Variants in SRSF6 observed in about 807,000 individuals in gnomAD.
The protein encoded by SRSF6 is serine/arginine-rich splicing factor 6.
SRSF6 carries 17 observed loss-of-function variants against 42.0 expected under a neutral mutation model. That is an observed-to-expected ratio of 0.40 (90% CI 0.28 to 0.61). The LOEUF is 0.61. Among genes scored for constraint, SRSF6 ranks in the 20% least tolerant of loss-of-function variants. The pLI, the probability that SRSF6 is intolerant of heterozygous loss-of-function variation, is 0.37. For missense variants in SRSF6, 379 were observed against 471.4 expected (o/e 0.80, Z 1.81); for synonymous variants, 204 against 166.7 (o/e 1.22, Z -1.72).
At position 43,461,169 on chromosome 20, in the gene SRSF6, C is replaced by G. The variant is rs1040341623; in HGVS notation, c.*106C>G. On this transcript the variant is annotated 3_prime_UTR_variant, in exon 6 of 6. Transcript: ENST00000244020. ...TTCTGCAAGAGGAATCTCTTGAAAA[C>G]AGGGGCACACAGAAATTTGATTTGT... 9.9e-6 allele frequency: 14 copies of G among 1,409,626 alleles called. No individual in the cohort carries two copies. Among genetic ancestry groups the G allele is most frequent in the Middle Eastern group, 2.5e-4 (1 of 4,072 alleles). 87.3% of individuals were successfully genotyped at this position (1,409,626 alleles called of 1,614,324 possible).
In SRSF6 at chr20:43,463,101, A is replaced by T. The variant is rs1021032109; in HGVS notation, c.*2038A>T. 1 of 152,636 alleles carries T rather than the reference A, an allele frequency of 6.6e-6. No homozygotes were observed. Among genetic ancestry groups the T allele is most frequent in the Non-Finnish European group, 1.5e-5 (1 of 68,004 alleles). 9.5% of individuals were successfully genotyped at this position (152,636 alleles called of 1,614,324 possible). On this transcript the variant is annotated 3_prime_UTR_variant, in exon 6 of 6. Coordinates refer to ENST00000244020, the MANE Select transcript of SRSF6 (RefSeq NM_006275.6). ...ATCCTTCAACTGGGCTCTCTTGTTA[A>T]TAGGACATCATATGGTAATAGACTG... is the stretch of plus-strand genomic sequence containing the variant.
chr20:43,457,946 CTCTTG>C lies in SRSF6; in HGVS notation c.-87_-83del. On this transcript the variant is annotated 5_prime_UTR_variant, in exon 1 of 6. Coordinates refer to ENST00000244020, the MANE Select transcript of SRSF6 (RefSeq NM_006275.6). ...CTGTGGTGTGAGGCGCGTGTTCGGGCTCTTGCCGTCCCCGCACCCGCACCGCGGTT... is the reference window on the plus strand; with the variant it reads ...CTGTGGTGTGAGGCGCGTGTTCGGGCCCGTCCCCGCACCCGCACCGCGGTT... 8.9e-7 allele frequency: 1 copy of C among 1,123,800 alleles called. No individual in the cohort carries two copies. Among genetic ancestry groups the C allele is most frequent in the Non-Finnish European group, 1.3e-6 (1 of 765,016 alleles). 69.6% of individuals were successfully genotyped at this position (1,123,800 alleles called of 1,614,324 possible).
rs1196378267 is a variant in SRSF6 at position 43,461,334 on chromosome 20, G to GTTTTTTTTTTTTTTTTTTT, written c.*273_*274insTTTTTTTTTTTTTTTTTTT. On this transcript the variant is annotated 3_prime_UTR_variant, in exon 6 of 6. Transcript: ENST00000244020. ...TTTGTAAAGATTAAGCTCATTTAGT[G>GTTTTTTTTTTTTTTTTTTT]TTGTTTTTTTTTTTTTTTTTTTTTT... The GTTTTTTTTTTTTTTTTTTT allele has an allele frequency of 3.0e-4, 17 of 56,466 alleles. 1 individual carries two copies. Among genetic ancestry groups the GTTTTTTTTTTTTTTTTTTT allele is most frequent in the African/African-American group, 1.3e-3 (17 of 13,566 alleles). The allele number at this position is 56,466 out of a possible 1,614,324, so 3.5% of individuals were successfully genotyped here. A position where few individuals can be genotyped will look rare whatever the true frequency, so the allele number is the denominator to read the frequency against.
intron 4 of SRSF6, 79 bp from the exon 5 acceptor site, chr20:43,460,436 G>T: frequency 1.4e-6 from 2 of 1,406,856 alleles, no homozygotes; most frequent in East Asian, 4.7e-5. Context: ...TTATTCTTTG[G>T]CTTATCTATT....
Position 43,462,251 on chromosome 20 carries a change from G to C in SRSF6, c.*1188G>C, listed in dbSNP as rs2017615043. The C allele has an allele frequency of 6.6e-6, 1 of 152,178 alleles. No homozygotes were observed. Among genetic ancestry groups the C allele is most frequent in the Non-Finnish European group, 1.5e-5 (1 of 68,026 alleles). The allele number at this position is 152,178 out of a possible 1,614,324, so 9.4% of individuals were successfully genotyped here. A position where few individuals can be genotyped will look rare whatever the true frequency, so the allele number is the denominator to read the frequency against. On this transcript the variant is annotated 3_prime_UTR_variant, in exon 6 of 6. Coordinates refer to ENST00000244020, the MANE Select transcript of SRSF6 (RefSeq NM_006275.6). ...TACTTTATTACGAGTAAAGTGTAAT[G>C]AGTACTGTGGAAACCAAATTTGAAT...
Position 43,460,965 on chromosome 20 carries a change from C to T in SRSF6, c.937C>T (p.Arg313Cys), listed in dbSNP as rs139554320. 1.2e-4 allele frequency: 200 copies of T among 1,614,124 alleles called. No individual in the cohort carries two copies. The highest frequency in any genetic ancestry group is 1.5e-4 in the Non-Finnish European group (180 of 1,180,026). The change falls in exon 6 of 6, where the codon CGT (arginine) becomes TGT (cysteine). Residue 313 changes from arginine (R) to cysteine (C), a missense_variant. By Grantham distance (180) the Arg-to-Cys change is radical. Coordinates refer to ENST00000244020, the MANE Select transcript of SRSF6 (RefSeq NM_006275.6). Reference protein sequence around the residue: ...SPLPVPPSKARSVSPPPKRAT... With the variant: ...SPLPVPPSKACSVSPPPKRAT... ...GCTACCTGTTCCACCCTCAAAGGCC[C>T]GTTCTGTGTCCCCTCCACCAAAAAG...
In SRSF6 at chr20:43,461,337, G is replaced by GTTTTTTTGTTTTTTTTTTTTTTTT. The variant is rs2017589818; in HGVS notation, c.*281_*282insGTTTTTTTTTTTTTTTTTTTTTTT. On this transcript the variant is annotated 3_prime_UTR_variant, in exon 6 of 6. Transcript: ENST00000244020. ...GTAAAGATTAAGCTCATTTAGTGTT[G>GTTTTTTTGTTTTTTTTTTTTTTTT]TTTTTTTTTTTTTTTTTTTTTTTTT... is the stretch of plus-strand genomic sequence containing the variant. 1 of 43,768 alleles carries GTTTTTTTGTTTTTTTTTTTTTTTT rather than the reference G, an allele frequency of 2.3e-5. No individual in the cohort carries two copies. The highest frequency in any genetic ancestry group is 8.2e-5 in the African/African-American group (1 of 12,192). The allele number at this position is 43,768 out of a possible 1,614,324, so 2.7% of individuals were successfully genotyped here.
rs564298616 is a variant in SRSF6 at position 43,463,432 on chromosome 20, G to T, written c.*2369G>T. Reference sequence around the variant, plus strand: ...AGCAGAAAAGAAGTGAGAACATCTTGATTCCCCTTTCTTTTACTTGATGGT... The same window carrying T: ...AGCAGAAAAGAAGTGAGAACATCTTTATTCCCCTTTCTTTTACTTGATGGT... On this transcript the variant is annotated 3_prime_UTR_variant, in exon 6 of 6. Transcript: ENST00000244020. The T allele has an allele frequency of 3.2e-5, 5 of 154,654 alleles. No individual in the cohort carries two copies. In the East Asian group the frequency reaches 9.6e-4, roughly 30 times the overall value. The allele number at this position is 154,654 out of a possible 1,614,324, so 9.6% of individuals were successfully genotyped here. A position where few individuals can be genotyped will look rare whatever the true frequency, so the allele number is the denominator to read the frequency against.
Position 43,462,266 on chromosome 20 carries a change from C to T in SRSF6, c.*1203C>T, listed in dbSNP as rs1482054202. On this transcript the variant is annotated 3_prime_UTR_variant, in exon 6 of 6. Transcript: ENST00000244020. Reference sequence around the variant, plus strand: ...AAAGTGTAATGAGTACTGTGGAAACCAAATTTGAATACTGCAAATTTGTAG... The same window carrying T: ...AAAGTGTAATGAGTACTGTGGAAACTAAATTTGAATACTGCAAATTTGTAG... 6.6e-6 allele frequency: 1 copy of T among 152,008 alleles called. No homozygotes were observed. The highest frequency in any genetic ancestry group is 1.9e-4 in the East Asian group (1 of 5,192). The allele number at this position is 152,008 out of a possible 1,614,324, so 9.4% of individuals were successfully genotyped here.
chr20:43,458,158 G>C lies in SRSF6; in HGVS notation c.107+18G>C, dbSNP rs1307417995. 4 of 1,607,734 alleles carry C rather than the reference G, an allele frequency of 2.5e-6. No homozygotes were observed. The highest frequency in any genetic ancestry group is 3.4e-6 in the Non-Finnish European group (4 of 1,176,032). ...AAAAATGGGTGAGTCGGGCCTGGGCGCCCGCGCCCAGCGTCCCAGGCCTGG... is the reference window on the plus strand; with the variant it reads ...AAAAATGGGTGAGTCGGGCCTGGGCCCCCGCGCCCAGCGTCCCAGGCCTGG... On this transcript the variant is annotated intron_variant, in intron 1 of 5. Transcript: ENST00000244020.
intron 2 of SRSF6, chr20:43,459,068 T>G: frequency 8.0e-7 from 1 of 1,254,108 alleles, no homozygotes; most frequent in East Asian, 4.9e-5. Context: ...GGGGGGATTT[T>G]TGGTTATGTT....
At chr20:43,458,972 G>A (rs1438765643) in intron 2 of SRSF6, among the ~76,000 whole-genome samples, 1 of 152,146 alleles carries the variant, frequency 6.6e-6, no homozygotes, top group Non-Finnish European at 1.5e-5. Context: ...CTATTTTTAA[G>A]TAATGTGGTA....
rs959508146 is a variant in SRSF6 at position 43,463,363 on chromosome 20, G to A, written c.*2300G>A. ...TGCTAGCTTGTGAGAAGAATGAGTT[G>A]ATGACATGCTCCATACCAGTGGCTA... On this transcript the variant is annotated 3_prime_UTR_variant, in exon 6 of 6. Transcript: ENST00000244020. The A allele has an allele frequency of 2.6e-5, 4 of 154,838 alleles. No individual in the cohort carries two copies. In the South Asian group the frequency reaches 8.1e-4, roughly 31 times the overall value. 9.6% of individuals were successfully genotyped at this position (154,838 alleles called of 1,614,324 possible). A position where few individuals can be genotyped will look rare whatever the true frequency, so the allele number is the denominator to read the frequency against.
In SRSF6 at chr20:43,457,944, G is replaced by C; in HGVS notation, c.-90G>C. The C allele has an allele frequency of 9.1e-7, 1 of 1,103,190 alleles. No homozygotes were observed. The highest frequency in any genetic ancestry group is 1.3e-6 in the Non-Finnish European group (1 of 747,022). The allele number at this position is 1,103,190 out of a possible 1,614,324, so 68.3% of individuals were successfully genotyped here. On this transcript the variant is annotated 5_prime_UTR_variant, in exon 1 of 6. Coordinates refer to ENST00000244020, the MANE Select transcript of SRSF6 (RefSeq NM_006275.6). ...CCCTGTGGTGTGAGGCGCGTGTTCG[G>C]GCTCTTGCCGTCCCCGCACCCGCAC...
At chr20:43,459,108 T>C in intron 2 of SRSF6, 1 of 1,347,546 alleles carries the variant, frequency 7.4e-7, no homozygotes, top group Non-Finnish European at 9.8e-7. Flanking sequence ...TGTTGCATGT[T>C]GAATTCAAAC....
At chr20:43,459,127 A>G (rs749858456) in intron 2 of SRSF6, 3 of 1,350,222 alleles carry the variant, frequency 2.2e-6, no homozygotes, top group Non-Finnish European at 2.9e-6. Context: ...ACTTTTTAAC[A>G]AGTCCTTGAT....
At chr20:43,458,560 G>A in intron 2 of SRSF6, 51 bp downstream of exon 2, 1 of 1,429,714 alleles carries the variant, frequency 7.0e-7, no homozygotes, top group Non-Finnish European at 9.1e-7. Flanking sequence ...TGGGGGCGGG[G>A]GTGGGTGGGG....
rs1184661669 is a variant in SRSF6 at position 43,463,301 on chromosome 20, T to A, written c.*2238T>A. On this transcript the variant is annotated 3_prime_UTR_variant, in exon 6 of 6. Coordinates refer to ENST00000244020, the MANE Select transcript of SRSF6 (RefSeq NM_006275.6). ...CACTGTGTAACATTGGCTCACTTGG[T>A]GAGCATAGGGTTGACTGATAAAATG... 6.5e-6 allele frequency: 1 copy of A among 154,858 alleles called. No homozygotes were observed. The highest frequency in any genetic ancestry group is 1.5e-5 in the Non-Finnish European group (1 of 68,216). 9.6% of individuals were successfully genotyped at this position (154,858 alleles called of 1,614,324 possible). A position where few individuals can be genotyped will look rare whatever the true frequency, so the allele number is the denominator to read the frequency against.
intron 2 of SRSF6, 129 bp from the exon 3 acceptor site, chr20:43,459,642 A>G: frequency 2.7e-6 from 4 of 1,460,558 alleles, no homozygotes; most frequent in Non-Finnish European, 3.7e-6. Context: ...AAATGTGTCG[A>G]AGGTTTAGCA....
Sources: gnomAD v4.1 joint callset for allele counts (sites outside exome capture counted in the v4.1 genomes callset) on GRCh38, gnomAD v4.1.1 for gene constraint, MANE v1.5 for transcripts, NCBI Gene and HGNC (gene_info 2026-07-23, HGNC 2026-07-21) for gene names.